CTNNA3: variants seen among roughly 807,000 people sequenced by gnomAD.
CTNNA3 encodes catenin alpha-3.
A neutral mutation model predicts 95.7 loss-of-function variants in CTNNA3; 76 were observed. The ratio of observed to expected loss-of-function variants is 0.79; its 90% CI spans 0.66 to 0.96. CTNNA3 has a LOEUF of 0.96. CTNNA3 is among the 40% of genes least tolerant of loss of function. The pLI, the probability that CTNNA3 is intolerant of heterozygous loss-of-function variation, is 0.00. For missense variants in CTNNA3, 1,191 were observed against 1,089.8 expected (o/e 1.09, Z -1.31); for synonymous variants, 431 against 374.4 (o/e 1.15, Z -1.74).
At chr10:66,106,044 C>T (rs2081887813) in intron 13 of CTNNA3, among the ~76,000 whole-genome samples, 1 of 151,954 alleles carries the variant, frequency 6.6e-6, no homozygotes, top group Admixed American at 6.6e-5. Context: ...CCCGTCTCTA[C>T]TAAAAATACA....
intron 5 of CTNNA3, among the ~76,000 whole-genome samples, chr10:67,397,327 T>C (rs1306176435): frequency 6.6e-6 from 1 of 152,152 alleles, no homozygotes; most frequent in Non-Finnish European, 1.5e-5. Context: ...GCTGAGGTGA[T>C]CTCAGATGGA....
chr10:66,139,295 G>C (rs79542905), intron 13 of CTNNA3, among the ~76,000 whole-genome samples: 1 of 151,976 alleles, frequency 6.6e-6, no homozygotes, highest in Non-Finnish European at 1.5e-5. Context: ...CCCACCCAAG[G>C]CTATAAATTT....
intron 6 of CTNNA3, among the ~76,000 whole-genome samples, chr10:67,216,104 C>A (rs1864348171): frequency 6.6e-6 from 1 of 151,968 alleles, no homozygotes; most frequent in African/African-American, 2.4e-5. Flanking sequence ...ATATCTATTT[C>A]TTCTTTAGCT....
intron 7 of CTNNA3, among the ~76,000 whole-genome samples, chr10:67,161,250 G>T (rs1312815538): frequency 1.3e-5 from 2 of 151,768 alleles, no homozygotes; most frequent in Non-Finnish European, 2.9e-5. Context: ...CAAGAGAGAA[G>T]AAATAACAAA....
intron 5 of CTNNA3, among the ~76,000 whole-genome samples, chr10:67,488,454 C>T (rs893415460): frequency 3.3e-5 from 5 of 152,004 alleles, no homozygotes; most frequent in Non-Finnish European, 2.9e-5. Flanking sequence ...ACTGCAACCT[C>T]GGCCTCCCAG....
intron 13 of CTNNA3, among the ~76,000 whole-genome samples, chr10:66,145,470 A>G (rs2083836098): frequency 6.6e-6 from 1 of 152,188 alleles, no homozygotes; most frequent in South Asian, 2.1e-4. Context: ...GGACTCCAGG[A>G]AAGAGTTCCT....
At chr10:67,343,407 T>C (rs58521497) in intron 5 of CTNNA3, among the ~76,000 whole-genome samples, 2,721 of 152,312 alleles carry the variant, frequency 0.018, 84 homozygotes, top group African/African-American at 0.06. Flanking sequence ...TCTTTCCATT[T>C]TTTGGTGTCT....
intron 1 of CTNNA3, among the ~76,000 whole-genome samples, chr10:67,715,288 A>C (rs968337046): frequency 6.6e-6 from 1 of 152,214 alleles, no homozygotes; most frequent in Non-Finnish European, 1.5e-5. Flanking sequence ...AATGGTATAT[A>C]GTTCATATTG....
chr10:67,063,412 C>T (rs935393883), intron 7 of CTNNA3, among the ~76,000 whole-genome samples: 1 of 152,114 alleles, frequency 6.6e-6, no homozygotes, highest in African/African-American at 2.4e-5. Context: ...GGGTCTCAAT[C>T]AGGAGTTAAA....
intron 5 of CTNNA3, among the ~76,000 whole-genome samples, chr10:67,349,093 C>T (rs1842539745): frequency 6.6e-6 from 1 of 152,148 alleles, no homozygotes; most frequent in Non-Finnish European, 1.5e-5. Flanking sequence ...GGAACCTTTG[C>T]ACACTGTCAG....
intron 7 of CTNNA3, among the ~76,000 whole-genome samples, chr10:66,848,132 T>C (rs1291788689): frequency 2.0e-5 from 3 of 152,144 alleles, no homozygotes; most frequent in Non-Finnish European, 4.4e-5. Flanking sequence ...GGTAGATATA[T>C]TTAAAAGCCA....
intron 5 of CTNNA3, among the ~76,000 whole-genome samples, chr10:67,239,007 A>C (rs1038368812): frequency 2.0e-5 from 3 of 152,220 alleles, no homozygotes; most frequent in African/African-American, 7.2e-5. Context: ...ACTCCAAGAA[A>C]TAAAACATGG....
intron 9 of CTNNA3, among the ~76,000 whole-genome samples, chr10:66,730,565 A>G (rs1382189240): frequency 1.3e-5 from 2 of 152,198 alleles, no homozygotes; most frequent in African/African-American, 4.8e-5. Context: ...ATGTTTATCT[A>G]TGTAACAAAC....
intron 11 of CTNNA3, among the ~76,000 whole-genome samples, chr10:66,444,975 G>A (rs1251448779): frequency 6.6e-6 from 1 of 151,986 alleles, no homozygotes; most frequent in African/African-American, 2.4e-5. Context: ...AAGGATGGAG[G>A]AAGATCTACC....
chr10:67,017,740 T>C (rs1356856925), intron 7 of CTNNA3, among the ~76,000 whole-genome samples: 2 of 151,740 alleles, frequency 1.3e-5, no homozygotes, highest in Non-Finnish European at 2.9e-5. Context: ...TGTGTGTGTG[T>C]GTGTGTGTGT....
At chr10:66,532,216 C>G (rs1157318271) in intron 10 of CTNNA3, among the ~76,000 whole-genome samples, 1 of 152,086 alleles carries the variant, frequency 6.6e-6, no homozygotes, top group Non-Finnish European at 1.5e-5. Flanking sequence ...TAATCCCAGC[C>G]TTTTAGGAGG....
intron 5 of CTNNA3, among the ~76,000 whole-genome samples, chr10:67,449,630 C>T (rs555640717): frequency 1.6e-4 from 24 of 152,212 alleles, no homozygotes; most frequent in African/African-American, 5.1e-4. Context: ...AAACTGGACC[C>T]CTTCCTTACA....
chr10:66,796,489 T>C lies in CTNNA3; in HGVS notation c.1048-20965A>G, dbSNP rs73310881. Among the ~76,000 whole-genome samples the C allele has an allele frequency of 8.4e-3, 1,283 of 151,974 alleles. 18 individuals carry two copies. The highest frequency in any genetic ancestry group is 0.029 in the African/African-American group (1,206 of 41,480). On this transcript the variant is annotated intron_variant, in intron 7 of 17. Transcript: ENST00000433211. ...TAAAAGATCGCTGATCACAGACCAC[T>C]GTAACAGATATAAAAATAATTTAAA... is the stretch of plus-strand genomic sequence containing the variant.
intron 12 of CTNNA3, among the ~76,000 whole-genome samples, chr10:66,350,848 A>C (rs1407039173): frequency 6.6e-6 from 1 of 151,978 alleles, no homozygotes; most frequent in African/African-American, 2.4e-5. Context: ...TGTAAAGGCA[A>C]ACAAAGCCTT....
Sources: gnomAD v4.1 joint callset for allele counts (sites outside exome capture counted in the v4.1 genomes callset) on GRCh38, gnomAD v4.1.1 for gene constraint, MANE v1.5 for transcripts, NCBI Gene and HGNC (gene_info 2026-07-23, HGNC 2026-07-21) for gene names.